The following ALG13 variants were observed in gnomAD, a reference collection of about 807,000 sequenced individuals.
ALG13 encodes the protein ALG13 UDP-N-acetylglucosaminyltransferase subunit, also known as UDP-N-acetylglucosamine transferase subunit ALG13.
A neutral mutation model predicts 87.8 loss-of-function variants in ALG13; 11 were observed. That is an observed-to-expected ratio of 0.13 (90% CI 0.08 to 0.21). The LOEUF is 0.21. Ranked by LOEUF, ALG13 falls within the 10% of genes least tolerant of loss-of-function variation. The pLI is 1.00. For missense variants in ALG13, 756 were observed against 866.1 expected (o/e 0.87, Z 1.60); for synonymous variants, 320 against 306.3 (o/e 1.04, Z -0.47).
intron 25 of ALG13, chrX:111,757,339 G>A (rs1945348772): frequency 3.4e-6 from 1 of 293,123 alleles, no homozygotes; most frequent in Non-Finnish European, 5.9e-6. Context: ...TTTGTATACA[G>A]GTCTTTTAGA....
At chrX:111,747,953 C>T in intron 24 of ALG13, among the ~76,000 whole-genome samples, 1 of 112,366 alleles carries the variant, frequency 8.9e-6, no homozygotes. Flanking sequence ...CACATCCATG[C>T]CAGTATTTGG....
At chrX:111,719,209 G>A (rs1941081123) in intron 10 of ALG13, among the ~76,000 whole-genome samples, 1 of 109,659 alleles carries the variant, frequency 9.1e-6, no homozygotes, top group African/African-American at 3.3e-5. Flanking sequence ...TGTATTTTTA[G>A]TAGAGATGGG....
At position 111,744,728 on chromosome X, in the gene ALG13, C is replaced by A; in HGVS notation, c.2756C>A (p.Pro919Gln). 1 of 946,971 alleles carries A rather than the reference C, an allele frequency of 1.1e-6. No homozygotes were observed. The highest frequency in any genetic ancestry group is 1.4e-6 in the Non-Finnish European group (1 of 726,967). 78.0% of individuals were successfully genotyped at this position (946,971 alleles called of 1,213,427 possible). ...SAIPHAGASL[P>Q]PPPPPPPPPP... The stretch of plus-strand genomic sequence containing the variant: ...ATTCCTCATGCTGGTGCCTCTCTAC[C>A]ACCACCACCACCACCACCACCACCA... The change falls in exon 24 of 27, where the codon CCA becomes CAA. Residue 919 changes from proline (P) to glutamine (Q), a missense_variant. Around this residue, in one of 9 missense-constraint regions of ALG13, gnomAD observed 362 missense variants for 383.5 expected, o/e 0.94. Transcript: ENST00000394780.
At position 111,712,468 on chromosome X, in the gene ALG13, C is replaced by A. The variant is rs780688383; in HGVS notation, c.886-16C>A. On this transcript the variant is annotated splice_polypyrimidine_tract_variant and intron_variant, in intron 6 of 26. Coordinates refer to ENST00000394780, the MANE Select transcript of ALG13 (RefSeq NM_001099922.3). ...ACAGAATGTTTTTTAAAACTCAATA[C>A]ACTATTTATGTTTAGGAAAGTGCTG... 115 of 1,109,524 alleles carry A rather than the reference C, an allele frequency of 1.0e-4. No individual in the cohort carries two copies. The East Asian group carries it at 3.3e-3, about 32-fold the overall frequency. The allele number at this position is 1,109,524 out of a possible 1,213,427, so 91.4% of individuals were successfully genotyped here. A position where few individuals can be genotyped will look rare whatever the true frequency, so the allele number is the denominator to read the frequency against.
At chrX:111,744,548 C>A in intron 23 of ALG13, 120 bp from the exon 24 acceptor site, 4 of 832,865 alleles carry the variant, frequency 4.8e-6, no homozygotes, top group Non-Finnish European at 5.1e-6. Flanking sequence ...TTTTTTTATA[C>A]CCAAACCTTA....
intron 3 of ALG13, chrX:111,689,658 TTATC>T (rs1935787399): frequency 1.4e-6 from 1 of 727,449 alleles, no homozygotes; most frequent in East Asian, 1.5e-4. Context: ...ATTCTTGAGA[TTATC>T]TAGTCCAATT....
Position 111,690,029 on chromosome X carries a change from C to T in ALG13, c.383+4926C>T, listed in dbSNP as rs1247591436. 5.3e-6 allele frequency: 4 copies of T among 747,674 alleles called. No individual in the cohort carries two copies. The African/African-American group carries it at 9.3e-5, about 17-fold the overall frequency. The allele number at this position is 747,674 out of a possible 1,213,427, so 61.6% of individuals were successfully genotyped here. ...TGATAGTAGATTGAATAAATTAAGA[C>T]TTTAAGACAGAATTGTAGACTTTTG... On this transcript the variant is annotated intron_variant, in intron 3 of 26. Coordinates refer to ENST00000394780, the MANE Select transcript of ALG13 (RefSeq NM_001099922.3).
At chrX:111,727,520 G>C in intron 17 of ALG13, 75 bp downstream of exon 17, 1 of 1,097,958 alleles carries the variant, frequency 9.1e-7, no homozygotes, top group Non-Finnish European at 1.2e-6. Context: ...TTTAAAAAGT[G>C]TCAACTTTGA....
chrX:111,738,992 A>G (rs754231029), intron 23 of ALG13, among the ~76,000 whole-genome samples: 4 of 112,314 alleles, frequency 3.6e-5, no homozygotes, highest in Non-Finnish European at 3.8e-5. Flanking sequence ...GAACAAAATA[A>G]TACTAAAAGC....
chrX:111,744,720 C>G lies in ALG13; in HGVS notation c.2748C>G (p.Ala916=), dbSNP rs1944057747. 2 of 1,160,946 alleles carry G rather than the reference C, an allele frequency of 1.7e-6. No individual in the cohort carries two copies. The highest frequency in any genetic ancestry group is 3.9e-5 in the South Asian group (2 of 50,897). ...PCHSAIPHAG[A]SLPPPPPPPP... ...ATTCTGCTATTCCTCATGCTGGTGCCTCTCTACCACCACCACCACCACCAC... is the reference window on the plus strand; with the variant it reads ...ATTCTGCTATTCCTCATGCTGGTGCGTCTCTACCACCACCACCACCACCAC... The change falls in exon 24 of 27, where the codon GCC becomes GCG. Residue 916 remains alanine (A), a synonymous_variant. Coordinates refer to ENST00000394780, the MANE Select transcript of ALG13 (RefSeq NM_001099922.3).
At chrX:111,754,804 A>G (rs1001800123) in intron 25 of ALG13, among the ~76,000 whole-genome samples, 1 of 112,351 alleles carries the variant, frequency 8.9e-6, no homozygotes, top group African/African-American at 3.2e-5. Context: ...TTCCATGCTT[A>G]TGGATAGGAA....
At chrX:111,722,653 G>T in intron 12 of ALG13, 140 bp from the exon 13 acceptor site, 1 of 428,823 alleles carries the variant, frequency 2.3e-6, no homozygotes. Flanking sequence ...TGATAGAATC[G>T]CCCTTTGGGA....
At chrX:111,740,078 C>T (rs1430224731) in intron 23 of ALG13, among the ~76,000 whole-genome samples, 1 of 111,193 alleles carries the variant, frequency 9.0e-6, no homozygotes. Flanking sequence ...AGAAGTAAGA[C>T]AAATGAGGGC....
chrX:111,755,818 T>A (rs1252021919), intron 25 of ALG13, among the ~76,000 whole-genome samples: 2 of 112,299 alleles, frequency 1.8e-5, no homozygotes, highest in East Asian at 5.6e-4. Flanking sequence ...CACTGTTGGT[T>A]GGAGTGTAAA....
intron 23 of ALG13, among the ~76,000 whole-genome samples, chrX:111,741,810 CA>C (rs11311106): frequency 0.14 from 7,954 of 57,111 alleles, 832 homozygotes; most frequent in African/African-American, 0.37. Flanking sequence ...GACTTTGTCT[CA>C]AAAAAAAAAA....
chrX:111,742,411 G>T (rs1204127013), intron 23 of ALG13, among the ~76,000 whole-genome samples: 1 of 106,719 alleles, frequency 9.4e-6, no homozygotes, highest in Non-Finnish European at 1.9e-5. Context: ...ATCAGTGACT[G>T]TCCCTGAGTG....
chrX:111,731,282 A>G (rs969202503), intron 21 of ALG13, among the ~76,000 whole-genome samples: 1 of 111,806 alleles, frequency 8.9e-6, no homozygotes, highest in Non-Finnish European at 1.9e-5. Flanking sequence ...TGATCTTGAG[A>G]CTTAAAACCA....
chrX:111,716,343 T>C (rs944013033), intron 8 of ALG13, among the ~76,000 whole-genome samples: 1 of 112,200 alleles, frequency 8.9e-6, no homozygotes, highest in Non-Finnish European at 1.9e-5. Flanking sequence ...CCAGTCAAAA[T>C]GGAAATTCTT....
intron 23 of ALG13, among the ~76,000 whole-genome samples, chrX:111,738,538 C>G (rs746551007): frequency 9.0e-6 from 1 of 111,655 alleles, no homozygotes; most frequent in East Asian, 2.8e-4. Flanking sequence ...GTGCTTTAGG[C>G]TTTAAATTTT....
Sources: allele counts gnomAD v4.1 joint callset (sites outside exome capture counted in the v4.1 genomes callset), GRCh38; gene constraint gnomAD v4.1.1; regional missense constraint gnomAD v4.1.1; transcripts MANE v1.5; gene names NCBI Gene and HGNC (gene_info 2026-07-23, HGNC 2026-07-21).